The following KLF8 variants were observed in gnomAD, a reference collection of about 807,000 sequenced individuals.
KLF8 encodes the protein Krueppel-like factor 8.
Under a neutral mutation model 18.2 loss-of-function variants are expected in KLF8, and 10 were observed. The ratio of observed to expected loss-of-function variants is 0.55; its 90% confidence interval spans 0.34 to 0.93. The LOEUF is 0.93. Among genes scored for constraint, KLF8 ranks in the 40% least tolerant of loss-of-function variants. The probability of loss-of-function intolerance (pLI) is 0.02; values close to 1 mark genes in which losing one functional copy is unlikely to be tolerated. For missense variants in KLF8, 264 were observed against 277.9 expected, an observed-to-expected ratio of 0.95 and a Z score of 0.36; for synonymous variants, 109 against 97.3, an observed-to-expected ratio of 1.12 and a Z score of -0.71.
At chrX:56,166,003 T>C in the KLF8 span, among the ~76,000 whole-genome samples, 1 of 111,819 alleles carries the variant, frequency 8.9e-6, no homozygotes, top group Non-Finnish European at 1.9e-5. Context: ...ATTTTGTTTT[T>C]GGTAAAATAT....
chrX:56,189,784 ACC>A, the KLF8 span, among the ~76,000 whole-genome samples: 1 of 102,537 alleles, frequency 9.8e-6, no homozygotes, highest in Non-Finnish European at 2.0e-5. Flanking sequence ...AAATCCAAAC[ACC>A]ACATGTTCTC....
At chrX:56,029,623 C>A in the KLF8 span, among the ~76,000 whole-genome samples, 4 of 112,080 alleles carry the variant, frequency 3.6e-5, no homozygotes, top group Admixed American at 9.4e-5. Flanking sequence ...GTCTAGAAGC[C>A]CTTCGGCCAG....
chrX:55,959,674 C>A, the KLF8 span, among the ~76,000 whole-genome samples: 1 of 111,630 alleles, frequency 9.0e-6, no homozygotes, highest in East Asian at 2.8e-4. Flanking sequence ...GCTGCTTCTT[C>A]AAATCAATGC....
At chrX:56,202,559 T>TCCCCCCCCCCCCCCCCCCCCCCCCCCC in the KLF8 span, among the ~76,000 whole-genome samples, 4 of 75,806 alleles carry the variant, frequency 5.3e-5, no homozygotes, top group African/African-American at 9.5e-5. Flanking sequence ...CCATTAACCT[T>TCCCCCCCCCCCCCCCCCCCCCCCCCCC]CCCCCCCCCT....
At chrX:56,205,006 C>A in the KLF8 span, among the ~76,000 whole-genome samples, 26 of 110,705 alleles carry the variant, frequency 2.3e-4, no homozygotes, top group South Asian at 9.6e-3. Context: ...GCAAAATGAC[C>A]TACAGATATT....
At chrX:55,935,876 C>T in the KLF8 span, among the ~76,000 whole-genome samples, 1 of 111,446 alleles carries the variant, frequency 9.0e-6, no homozygotes, top group Non-Finnish European at 1.9e-5. Context: ...ATAAAACCAC[C>T]AAATTCACGA....
chrX:55,927,979 C>T, the KLF8 span, among the ~76,000 whole-genome samples: 1 of 111,970 alleles, frequency 8.9e-6, no homozygotes, highest in Non-Finnish European at 1.9e-5. Context: ...GCTAACTGAA[C>T]TACATATTTT....
chrX:56,107,218 A>G, the KLF8 span, among the ~76,000 whole-genome samples: 1 of 112,198 alleles, frequency 8.9e-6, no homozygotes, highest in Non-Finnish European at 1.9e-5. Flanking sequence ...TCAGAGCTCA[A>G]ACGCTTTGCT....
intron 1 of KLF8, among the ~76,000 whole-genome samples, chrX:56,244,674 CA>C (rs2066598763): frequency 8.9e-6 from 1 of 112,218 alleles, no homozygotes; most frequent in African/African-American, 3.2e-5. Flanking sequence ...TGTCATGCTG[CA>C]GAGATATCCT....
chrX:56,052,784 A>G, the KLF8 span, among the ~76,000 whole-genome samples: 5 of 111,886 alleles, frequency 4.5e-5, no homozygotes, highest in Non-Finnish European at 9.4e-5. Flanking sequence ...CTTGAGCTGC[A>G]GTGGGCTCCA....
the KLF8 span, among the ~76,000 whole-genome samples, chrX:56,187,894 A>G: frequency 4.5e-5 from 5 of 112,094 alleles, no homozygotes; most frequent in Admixed American, 1.9e-4. Flanking sequence ...AGTGCTATCT[A>G]TGACAAATCC....
chrX:56,155,331 C>G, the KLF8 span, among the ~76,000 whole-genome samples: 1 of 111,349 alleles, frequency 9.0e-6, no homozygotes, highest in East Asian at 2.8e-4. Context: ...TGGAAACCAT[C>G]ATTCTCAGCA....
At chrX:56,037,021 T>A in the KLF8 span, among the ~76,000 whole-genome samples, 1 of 107,674 alleles carries the variant, frequency 9.3e-6, no homozygotes, top group Admixed American at 9.9e-5. Context: ...ATTTTACAAC[T>A]TTACTGATTT....
chrX:56,040,487 T>G, the KLF8 span, among the ~76,000 whole-genome samples: 1 of 106,441 alleles, frequency 9.4e-6, no homozygotes, highest in African/African-American at 3.9e-5. Context: ...TATAATCATG[T>G]GGTTTTTGTC....
the KLF8 span, among the ~76,000 whole-genome samples, chrX:56,154,736 A>G: frequency 4.5e-5 from 5 of 111,960 alleles, 1 homozygote; most frequent in African/African-American, 1.6e-4. Context: ...AGAATCTACA[A>G]TGAACTCAAA....
chrX:56,038,499 A>G, the KLF8 span, among the ~76,000 whole-genome samples: 2 of 112,228 alleles, frequency 1.8e-5, no homozygotes, highest in Non-Finnish European at 3.8e-5. Context: ...TTAGTTTGCT[A>G]AGGATAATGG....
chrX:56,046,515 A>C, the KLF8 span, among the ~76,000 whole-genome samples: 1 of 110,341 alleles, frequency 9.1e-6, no homozygotes, highest in African/African-American at 3.3e-5. Flanking sequence ...TGTGAGATTT[A>C]TGCGTTAAGG....
At chrX:55,949,895 A>G in the KLF8 span, among the ~76,000 whole-genome samples, 1 of 111,738 alleles carries the variant, frequency 8.9e-6, no homozygotes, top group Non-Finnish European at 1.9e-5. Flanking sequence ...TTTAAGGTGA[A>G]TATGGGAAAA....
the KLF8 span, among the ~76,000 whole-genome samples, chrX:56,081,101 C>G: frequency 9.0e-6 from 1 of 111,420 alleles, no homozygotes; most frequent in Non-Finnish European, 1.9e-5. Flanking sequence ...TGAATGTCCT[C>G]CCTTAGCTCA....
Sources: gnomAD v4.1 joint callset for allele counts (sites outside exome capture counted in the v4.1 genomes callset) on GRCh38, gnomAD v4.1.1 for gene constraint, MANE v1.5 for transcripts, NCBI Gene and HGNC (gene_info 2026-07-23, HGNC 2026-07-21) for gene names.